DPF3: variants seen among roughly 807,000 people sequenced by gnomAD.
The protein encoded by DPF3 is zinc finger protein DPF3.
Under a neutral mutation model 56.8 loss-of-function variants are expected in DPF3, and 18 were observed. The ratio of observed to expected loss-of-function variants is 0.32; its 90% confidence interval spans 0.22 to 0.47. DPF3 has a LOEUF of 0.47. Ranked by LOEUF, DPF3 falls within the 20% of genes least tolerant of loss-of-function variation. DPF3 has a pLI of 1.00. For missense variants in DPF3, 403 were observed against 488.8 expected, an observed-to-expected ratio of 0.82 and a Z score of 1.65; for synonymous variants, 188 against 180.2, an observed-to-expected ratio of 1.04 and a Z score of -0.35.
At chr14:72,853,048 T>TGTGTGTGTGTGTGTGTGC (rs1491378282) in intron 1 of DPF3, among the ~76,000 whole-genome samples, 1 of 151,434 alleles carries the variant, frequency 6.6e-6, no homozygotes, top group East Asian at 1.9e-4. Flanking sequence ...TGTGTGTGTG[T>TGTGTGTGTGTGTGTGTGC]ATGTGTGTGT....
At chr14:72,824,932 G>A (rs1236599129) in intron 1 of DPF3, among the ~76,000 whole-genome samples, 2 of 151,858 alleles carry the variant, frequency 1.3e-5, no homozygotes, top group African/African-American at 4.8e-5. Flanking sequence ...CTGTTGCCCA[G>A]GTTGGAGTGC....
At chr14:72,704,024 C>G (rs1186228638) in intron 6 of DPF3, among the ~76,000 whole-genome samples, 2 of 152,168 alleles carry the variant, frequency 1.3e-5, no homozygotes, top group African/African-American at 4.8e-5. Context: ...CTTGGAAACC[C>G]ACTAAGGTTA....
chr14:72,861,784 A>AAAGAAAGAAAGAAAGAAAGG lies in DPF3; in HGVS notation c.32+32272_32+32273insCCTTTCTTTCTTTCTTTCTT, dbSNP rs1555514028. Reference sequence around the variant, plus strand: ...GAAAGAAAGAAAGAAAGAAAGAAAGAAAGAAAGAAAGAAAGAAAGAAGGAA... The same window carrying AAAGAAAGAAAGAAAGAAAGG: ...GAAAGAAAGAAAGAAAGAAAGAAAGAAAGAAAGAAAGAAAGAAAGGAAGAAAGAAAGAAAGAAAGAAGGAA... On this transcript the variant is annotated intron_variant, in intron 1 of 10. Coordinates refer to ENST00000556509, the MANE Select transcript of DPF3 (RefSeq NM_001280542.3). Among the ~76,000 whole-genome samples the AAAGAAAGAAAGAAAGAAAGG allele has an allele frequency of 4.8e-3, 706 of 148,104 alleles. 3 individuals are homozygous for AAAGAAAGAAAGAAAGAAAGG. Among genetic ancestry groups the AAAGAAAGAAAGAAAGAAAGG allele is most frequent in the Non-Finnish European group, 6.8e-3 (454 of 66,408 alleles).
chr14:72,764,513 T>C (rs1329272987), intron 2 of DPF3, among the ~76,000 whole-genome samples: 1 of 108,766 alleles, frequency 9.2e-6, no homozygotes, highest in African/African-American at 3.6e-5. Context: ...TTTTTTTTTT[T>C]TGAGGCGGAA....
chr14:72,743,817 G>T (rs1250679502), intron 3 of DPF3, among the ~76,000 whole-genome samples: 1 of 152,194 alleles, frequency 6.6e-6, no homozygotes, highest in Non-Finnish European at 1.5e-5. Flanking sequence ...CTGGCACCAG[G>T]CCCCTGCCCA....
intron 3 of DPF3, among the ~76,000 whole-genome samples, chr14:72,740,596 G>A (rs1224215883): frequency 6.6e-6 from 1 of 152,226 alleles, no homozygotes. Context: ...TCAATGCAAA[G>A]TGGGCAAAGG....
intron 3 of DPF3, among the ~76,000 whole-genome samples, chr14:72,749,153 C>T (rs1052202035): frequency 6.6e-6 from 1 of 152,252 alleles, no homozygotes; most frequent in African/African-American, 2.4e-5. Flanking sequence ...CTATACTCTG[C>T]AAAGCCACAG....
intron 8 of DPF3, among the ~76,000 whole-genome samples, chr14:72,648,508 C>T (rs564586285): frequency 6.7e-6 from 1 of 149,360 alleles, no homozygotes; most frequent in Admixed American, 6.7e-5. Flanking sequence ...TTGCAGTGAG[C>T]TGAGATCATG....
chr14:72,674,991 G>A (rs7140963), intron 7 of DPF3, among the ~76,000 whole-genome samples: 15 of 152,166 alleles, frequency 9.9e-5, no homozygotes, highest in Non-Finnish European at 2.2e-4. Context: ...ATCATGGAAA[G>A]TGCCCAAGAC....
intron 1 of DPF3, among the ~76,000 whole-genome samples, chr14:72,788,648 CCCT>C (rs1892310581): frequency 6.6e-6 from 1 of 152,120 alleles, no homozygotes; most frequent in Non-Finnish European, 1.5e-5. Context: ...TCCCCCTCTG[CCCT>C]CCTCCCCACC....
At chr14:72,701,856 A>G (rs1888177415) in intron 6 of DPF3, among the ~76,000 whole-genome samples, 1 of 152,116 alleles carries the variant, frequency 6.6e-6, no homozygotes, top group South Asian at 2.1e-4. Context: ...GCCCCGTGGC[A>G]CTGACATACA....
intron 1 of DPF3, among the ~76,000 whole-genome samples, chr14:72,839,578 G>A (rs1884462788): frequency 6.6e-6 from 1 of 152,208 alleles, no homozygotes; most frequent in African/African-American, 2.4e-5. Context: ...TTTGGCCAAA[G>A]TGTCCTCCTT....
Position 72,661,854 on chromosome 14 carries a change from C to CTTT in DPF3, c.871+12383_871+12385dup, listed in dbSNP as rs60114618. 5.1e-3 allele frequency: 4,736 copies of CTTT among 923,336 alleles called. 6 individuals are homozygous for CTTT. Among genetic ancestry groups the CTTT allele is most frequent in the South Asian group, 0.032 (613 of 19,240 alleles). 57.2% of individuals were successfully genotyped at this position (923,336 alleles called of 1,614,324 possible). A position where few individuals can be genotyped will look rare whatever the true frequency, so the allele number is the denominator to read the frequency against. On this transcript the variant is annotated intron_variant, in intron 8 of 10. Transcript: ENST00000556509. ...ACCTCAGCTGATGCTTTTATTTTTG[C>CTTT]TTTTTTTTTTTTTTTTTTTTTGCTG... is the stretch of plus-strand genomic sequence containing the variant.
In DPF3 at chr14:72,714,462, C is replaced by A. The variant is rs61742825; in HGVS notation, c.565G>T (p.Ala189Ser). The A allele has an allele frequency of 6.2e-7, 1 of 1,613,816 alleles. No individual in the cohort carries two copies. Among genetic ancestry groups the A allele is most frequent in the Non-Finnish European group, 8.5e-7 (1 of 1,179,778 alleles). ...GGTTTGTCGTGGTCTTCCTGAGAGGCGGCGTCGTGCCTCCTCCTGCCCCCT... is the reference window on the plus strand; with the variant it reads ...GGTTTGTCGTGGTCTTCCTGAGAGGAGGCGTCGTGCCTCCTCCTGCCCCCT... ...SAGGRRRHDA[A>S]SQEDHDKPYV... The change falls in exon 6 of 11, where the codon GCC (alanine) becomes TCC (serine). Residue 189 changes from alanine (A) to serine (S), a missense_variant. Ala to Ser is a moderately conservative substitution (Grantham distance 99, BLOSUM62 1). This residue lies in a region of DPF3 where 340 missense variants were observed against 374.3 expected (regional missense o/e 0.91). Transcript: ENST00000556509.
intron 1 of DPF3, among the ~76,000 whole-genome samples, chr14:72,817,035 G>T (rs1174951366): frequency 6.6e-6 from 1 of 152,004 alleles, no homozygotes; most frequent in African/African-American, 2.4e-5. Flanking sequence ...TCATCCCTCC[G>T]GTCTCTCCTC....
intron 3 of DPF3, among the ~76,000 whole-genome samples, chr14:72,740,192 C>G (rs1456630820): frequency 1.3e-5 from 2 of 152,168 alleles, no homozygotes; most frequent in Non-Finnish European, 2.9e-5. Context: ...AGGAGACCAG[C>G]TTGGGGAGCT....
At chr14:72,872,608 T>C (rs1355338603) in intron 1 of DPF3, among the ~76,000 whole-genome samples, 2 of 152,188 alleles carry the variant, frequency 1.3e-5, no homozygotes, top group Non-Finnish European at 2.9e-5. Flanking sequence ...GAGCCCGCAT[T>C]GCCAAGGCAA....
At chr14:72,734,068 C>G (rs1303818537) in intron 3 of DPF3, among the ~76,000 whole-genome samples, 2 of 152,218 alleles carry the variant, frequency 1.3e-5, no homozygotes, top group East Asian at 1.9e-4. Context: ...CAGATATTTA[C>G]TGAGCACCTG....
chr14:72,869,454 GA>G (rs1328680320), intron 1 of DPF3, among the ~76,000 whole-genome samples: 1 of 152,200 alleles, frequency 6.6e-6, no homozygotes, highest in Admixed American at 6.5e-5. Flanking sequence ...CATGGATGAA[GA>G]AAAAAAGTGA....
Sources: gnomAD v4.1 joint callset for allele counts (sites outside exome capture counted in the v4.1 genomes callset) on GRCh38, gnomAD v4.1.1 for gene constraint, gnomAD v4.1.1 regional missense constraint, MANE v1.5 for transcripts, NCBI Gene and HGNC (gene_info 2026-07-23, HGNC 2026-07-21) for gene names.